The following ARPP21 variants were observed in gnomAD, a reference collection of about 807,000 sequenced individuals.
ARPP21 encodes the protein cAMP-regulated phosphoprotein 21.
ARPP21 carries 69 observed loss-of-function variants against 113.2 expected under a neutral mutation model. The ratio of observed to expected loss-of-function variants is 0.61; its 90% CI spans 0.50 to 0.74. The LOEUF (loss-of-function observed/expected upper bound fraction) is 0.74. ARPP21 is among the 30% of genes least tolerant of loss of function. The pLI, the probability that ARPP21 is intolerant of heterozygous loss-of-function variation, is 0.00. For missense variants in ARPP21, 1,070 were observed against 1,037.4 expected, an observed-to-expected ratio of 1.03 and a Z score of -0.43; for synonymous variants, 368 against 375.5, an observed-to-expected ratio of 0.98 and a Z score of 0.23.
Position 35,679,803 on chromosome 3 carries a change from A to G in ARPP21, c.-196A>G, listed in dbSNP as rs1265612838. On this transcript the variant is annotated 5_prime_UTR_variant, in exon 2 of 21. Coordinates refer to ENST00000684406, the MANE Select transcript of ARPP21 (RefSeq NM_001385562.1). ...TTTTTTCAGGTTGACGATGTGTCAC[A>G]CTGTGTAAGGGAATCGCATGGAGAT... The G allele has an allele frequency of 6.6e-6, 1 of 152,280 alleles. No homozygotes were observed. Among genetic ancestry groups the G allele is most frequent in the African/African-American group, 2.4e-5 (1 of 41,394 alleles). 9.4% of individuals were successfully genotyped at this position (152,280 alleles called of 1,614,324 possible). A position where few individuals can be genotyped will look rare whatever the true frequency, so the allele number is the denominator to read the frequency against.
chr3:35,681,551 T>A (rs2078935424), intron 2 of ARPP21, 163 bp from the exon 3 acceptor site: 1 of 538,132 alleles, frequency 1.9e-6, no homozygotes, highest in South Asian at 2.5e-5. Flanking sequence ...CTGCCTCTTG[T>A]GCATGCCTTG....
At chr3:35,692,319 TA>T (rs1301104286) in intron 9 of ARPP21, among the ~76,000 whole-genome samples, 19 of 151,716 alleles carry the variant, frequency 1.3e-4, no homozygotes, top group African/African-American at 4.6e-4. Flanking sequence ...TAGTAAAAAT[TA>T]AAGGTAACTT....
intron 19 of ARPP21, among the ~76,000 whole-genome samples, chr3:35,782,116 C>G (rs371554004): frequency 4.6e-5 from 7 of 152,110 alleles, no homozygotes; most frequent in Non-Finnish European, 8.8e-5. Flanking sequence ...GCATTTTGTA[C>G]GTACATATGC....
chr3:35,739,654 A>G (rs1200437708), intron 18 of ARPP21, 77 bp downstream of exon 18: 10 of 1,494,774 alleles, frequency 6.7e-6, no homozygotes, highest in Non-Finnish European at 9.0e-6. Flanking sequence ...TATGTAGAAA[A>G]TAACCAGATT....
rs557143479 is a variant in ARPP21, at chr3:35,788,818, A to G, written c.2138-3564A>G. ...CAAATGCCCTCAAACTACAAATAGT[A>G]TGCAACTGTTGTATTTTAGTAGAAA... On this transcript the variant is annotated intron_variant, in intron 19 of 20. Transcript: ENST00000684406. Among the ~76,000 whole-genome samples the G allele has an allele frequency of 2.0e-5, 3 of 152,364 alleles. No homozygotes were observed. In the South Asian group the frequency reaches 6.2e-4, roughly 32 times the overall value.
rs1034480287 is a variant in ARPP21, at chr3:35,785,578, T to C, written c.2138-6804T>C. On this transcript the variant is annotated intron_variant, in intron 19 of 20. Coordinates refer to ENST00000684406, the MANE Select transcript of ARPP21 (RefSeq NM_001385562.1). ...TTTGTGATAACATGGATCAGGATAG[T>C]ATAATTGCAGTGAAGAGGCCCCTGA... 4.6e-5 allele frequency among the ~76,000 whole-genome samples: 7 copies of C among 152,172 alleles called. No individual in the cohort carries two copies. In the South Asian group the frequency reaches 6.2e-4, roughly 14 times the overall value.
At chr3:35,752,279 T>C (rs1204441665) in intron 19 of ARPP21, among the ~76,000 whole-genome samples, 1 of 151,982 alleles carries the variant, frequency 6.6e-6, no homozygotes, top group Non-Finnish European at 1.5e-5. Flanking sequence ...CACTCTGACC[T>C]TTTGGATCTA....
intron 2 of ARPP21, 139 bp from the exon 3 acceptor site, chr3:35,681,575 A>G (rs930784828): frequency 3.4e-5 from 19 of 561,068 alleles, no homozygotes; most frequent in African/African-American, 7.5e-5. Context: ...ACTTGATTTC[A>G]TCTTGTTTTT....
At chr3:35,660,201 A>C (rs1707061726) in intron 1 of ARPP21, among the ~76,000 whole-genome samples, 1 of 152,148 alleles carries the variant, frequency 6.6e-6, no homozygotes, top group Admixed American at 6.6e-5. Flanking sequence ...AAATCTTTTA[A>C]ATATCTGCAT....
rs559290182 is a variant in ARPP21, at chr3:35,735,105, A to C, written c.1460-2073A>C. Among the ~76,000 whole-genome samples, 332 of 151,900 alleles carry C rather than the reference A, an allele frequency of 2.2e-3. 5 individuals are homozygous for C. The highest frequency in any genetic ancestry group is 7.9e-3 in the African/African-American group (326 of 41,418). On this transcript the variant is annotated intron_variant, in intron 15 of 20. Transcript: ENST00000684406. ...CTCTGGGTCAGTTTTTAAATTCTTT[A>C]CCTGTCTGTCTTCCTTTTTTATTTT...
chr3:35,776,213 T>C (rs902312103), intron 19 of ARPP21, among the ~76,000 whole-genome samples: 1 of 152,214 alleles, frequency 6.6e-6, no homozygotes, highest in African/African-American at 2.4e-5. Context: ...ATCAATAATA[T>C]GTTAATTGAA....
In ARPP21 at chr3:35,690,231, G is replaced by C. The variant is rs950062702; in HGVS notation, c.545+91G>C. 3 of 739,338 alleles carry C rather than the reference G, an allele frequency of 4.1e-6. No individual in the cohort carries two copies. The South Asian group carries it at 4.5e-5, about 11-fold the overall frequency. 45.8% of individuals were successfully genotyped at this position (739,338 alleles called of 1,614,324 possible). On this transcript the variant is annotated intron_variant, in intron 8 of 20. Transcript: ENST00000684406. ...TCCATTCTGGAAAGACTTAGGGATAGACAAAACATTGTTTAATATGTTCCT... is the reference window on the plus strand; with the variant it reads ...TCCATTCTGGAAAGACTTAGGGATACACAAAACATTGTTTAATATGTTCCT...
In ARPP21 at chr3:35,773,069, G is replaced by A. The variant is rs1448447372; in HGVS notation, c.2138-19313G>A. ...GCATTGAATTTCTTATCATTCATAGGACTCAAGCAGGGTCTTGAAAATGAG... is the reference window on the plus strand; with the variant it reads ...GCATTGAATTTCTTATCATTCATAGAACTCAAGCAGGGTCTTGAAAATGAG... On this transcript the variant is annotated intron_variant, in intron 19 of 20. Transcript: ENST00000684406. 2.0e-5 allele frequency among the ~76,000 whole-genome samples: 3 copies of A among 152,086 alleles called. No homozygotes were observed. In the East Asian group the frequency reaches 5.8e-4, roughly 29 times the overall value.
intron 7 of ARPP21, 56 bp downstream of exon 7, chr3:35,689,441 C>A: frequency 1.1e-6 from 1 of 893,504 alleles, no homozygotes; most frequent in South Asian, 1.4e-5. Context: ...ATATTACAAT[C>A]AAAGTTATTA....
chr3:35,736,607 A>G (rs1467951335), intron 15 of ARPP21, among the ~76,000 whole-genome samples: 2 of 152,058 alleles, frequency 1.3e-5, no homozygotes, highest in East Asian at 3.9e-4. Flanking sequence ...AAAATCTAAA[A>G]CCCCGGGTAT....
chr3:35,781,721 C>G (rs1479175597), intron 19 of ARPP21: 1 of 152,132 alleles, frequency 6.6e-6, no homozygotes, highest in Non-Finnish European at 1.5e-5. Flanking sequence ...GTGACATCAT[C>G]TGGTGTCCAC....
Position 35,667,841 on chromosome 3 carries a change from A to AAGAAGAAAAGAAGAAG in ARPP21, c.-212-11945_-212-11944insGAAGAAAAGAAGAAGA, listed in dbSNP as rs1559547262. On this transcript the variant is annotated intron_variant, in intron 1 of 20. Coordinates refer to ENST00000684406, the MANE Select transcript of ARPP21 (RefSeq NM_001385562.1). ...GATCACCTGCAGTACTTTTATTCTC[A>AAGAAGAAAAGAAGAAG]AAGAAGAAGAAGAAGAAGAAGAAGA... Among the ~76,000 whole-genome samples, 145 of 81,532 alleles carry AAGAAGAAAAGAAGAAG rather than the reference A, an allele frequency of 1.8e-3. 5 individuals are homozygous for AAGAAGAAAAGAAGAAG. The highest frequency in any genetic ancestry group is 2.8e-3 in the South Asian group (6 of 2,170). The allele number at this position is 81,532 out of a possible 152,430, so 53.5% of individuals were successfully genotyped here. A position where few individuals can be genotyped will look rare whatever the true frequency, so the allele number is the denominator to read the frequency against.
chr3:35,750,477 G>A (rs922017515), intron 19 of ARPP21, among the ~76,000 whole-genome samples: 6 of 151,964 alleles, frequency 3.9e-5, no homozygotes, highest in Admixed American at 6.6e-5. Context: ...GTGGTTTTAC[G>A]ACCCAGGAAA....
At position 35,745,547 on chromosome 3, in the gene ARPP21, C is replaced by T. The variant is rs928628493; in HGVS notation, c.2137+1582C>T. Among the ~76,000 whole-genome samples the T allele has an allele frequency of 3.3e-5, 5 of 152,118 alleles. No individual in the cohort carries two copies. The South Asian group carries it at 1.0e-3, about 32-fold the overall frequency. On this transcript the variant is annotated intron_variant, in intron 19 of 20. Transcript: ENST00000684406. Reference sequence around the variant, plus strand: ...GGTAGAGTGTCATCATACAAAGAAACGCAGTTACAAAACATGCTGCAATCC... The same window carrying T: ...GGTAGAGTGTCATCATACAAAGAAATGCAGTTACAAAACATGCTGCAATCC...
Sources: gnomAD v4.1 joint callset for allele counts (sites outside exome capture counted in the v4.1 genomes callset) on GRCh38, gnomAD v4.1.1 for gene constraint, MANE v1.5 for transcripts, NCBI Gene and HGNC (gene_info 2026-07-23, HGNC 2026-07-21) for gene names.